RAB38: variants seen among roughly 807,000 people sequenced by gnomAD.
RAB38 encodes the protein ras-related protein Rab-38.
RAB38 carries 15 observed loss-of-function variants against 18.4 expected under a neutral mutation model. That is an observed-to-expected ratio of 0.82 (90% confidence interval 0.55 to 1.26). The LOEUF (loss-of-function observed/expected upper bound fraction) is 1.26. RAB38 is among the 50% of genes most tolerant of loss of function. The pLI is 0.00. For synonymous variants in RAB38, 101 were observed against 104.4 expected, an observed-to-expected ratio of 0.97 and a Z score of 0.20; for missense variants, 294 against 267.4, an observed-to-expected ratio of 1.10 and a Z score of -0.69.
the RAB38 span, among the ~76,000 whole-genome samples, chr11:87,964,111 A>G: frequency 1.3e-5 from 2 of 152,164 alleles, no homozygotes; most frequent in African/African-American, 4.8e-5. Context: ...TCAGTTATCT[A>G]TTGCTGCATA....
At chr11:88,003,711 AT>A in the RAB38 span, among the ~76,000 whole-genome samples, 62 of 4,272 alleles carry the variant, frequency 0.015, 11 homozygotes, top group African/African-American at 0.11. Context: ...TATTGTATAT[AT>A]TATATATAAT....
At chr11:88,079,423 G>A in the RAB38 span, among the ~76,000 whole-genome samples, 1 of 151,642 alleles carries the variant, frequency 6.6e-6, no homozygotes, top group South Asian at 2.1e-4. Flanking sequence ...CCAATTTTAA[G>A]TAAAAATCTA....
the RAB38 span, among the ~76,000 whole-genome samples, chr11:87,864,488 G>A: frequency 6.6e-6 from 1 of 151,436 alleles, no homozygotes; most frequent in African/African-American, 2.4e-5. Context: ...CAACTATCTT[G>A]TCAGAAAGCC....
chr11:88,027,739 C>G, the RAB38 span, among the ~76,000 whole-genome samples: 9 of 152,318 alleles, frequency 5.9e-5, no homozygotes, highest in South Asian at 1.9e-3. Context: ...CTGGGTGGAG[C>G]CCACCACAGC....
chr11:87,932,324 A>G, the RAB38 span, among the ~76,000 whole-genome samples: 1 of 152,064 alleles, frequency 6.6e-6, no homozygotes, highest in Non-Finnish European at 1.5e-5. Context: ...TCAGGCTGAG[A>G]AGCAACAACT....
chr11:87,844,704 C>A, the RAB38 span, among the ~76,000 whole-genome samples: 2,254 of 152,252 alleles, frequency 0.015, 63 homozygotes, highest in African/African-American at 0.051. Context: ...TAATTTATAA[C>A]CAAGTCCGAA....
chr11:87,857,786 G>T, the RAB38 span, among the ~76,000 whole-genome samples: 2 of 151,830 alleles, frequency 1.3e-5, no homozygotes, highest in Non-Finnish European at 2.9e-5. Context: ...TGAGTAGATT[G>T]CAAAAATTTT....
At chr11:87,842,549 A>T in the RAB38 span, among the ~76,000 whole-genome samples, 29 of 152,206 alleles carry the variant, frequency 1.9e-4, no homozygotes, top group Non-Finnish European at 2.9e-5. Flanking sequence ...AATTTGTGCC[A>T]TAAATACTTT....
chr11:88,052,935 T>TATATATATATA, the RAB38 span, among the ~76,000 whole-genome samples: 11 of 85,788 alleles, frequency 1.3e-4, 1 homozygote, highest in African/African-American at 2.6e-4. Context: ...TATATATATA[T>TATATATATATA]ATATATATAA....
At chr11:87,976,979 A>T in the RAB38 span, among the ~76,000 whole-genome samples, 5 of 38,990 alleles carry the variant, frequency 1.3e-4, 2 homozygotes, top group African/African-American at 5.4e-4. Context: ...TATATTATAA[A>T]ATATAATTAC....
chr11:87,836,636 T>C, the RAB38 span, among the ~76,000 whole-genome samples: 1 of 152,240 alleles, frequency 6.6e-6, no homozygotes, highest in South Asian at 2.1e-4. Flanking sequence ...TATGTGCAGG[T>C]TGGTTCTGGA....
the RAB38 span, among the ~76,000 whole-genome samples, chr11:87,942,981 A>G: frequency 1.3e-5 from 2 of 152,184 alleles, no homozygotes; most frequent in African/African-American, 2.4e-5. Context: ...GAACTAGTCC[A>G]ATAGCGGGGC....
the RAB38 span, among the ~76,000 whole-genome samples, chr11:87,826,803 G>A: frequency 1.3e-5 from 2 of 152,306 alleles, no homozygotes; most frequent in Admixed American, 6.5e-5. Flanking sequence ...TGCTGTGGGT[G>A]TTGGTCTAGA....
the RAB38 span, among the ~76,000 whole-genome samples, chr11:87,947,612 G>A: frequency 6.6e-6 from 1 of 152,074 alleles, no homozygotes; most frequent in Admixed American, 6.6e-5. Flanking sequence ...CATATGGCTA[G>A]CCAGTTTTCC....
the RAB38 span, among the ~76,000 whole-genome samples, chr11:87,970,432 T>C: frequency 2.0e-5 from 3 of 152,044 alleles, no homozygotes; most frequent in Non-Finnish European, 4.4e-5. Context: ...TAAAAAATAT[T>C]GCATTAAAAT....
chr11:88,059,252 C>T, the RAB38 span, among the ~76,000 whole-genome samples: 3 of 152,186 alleles, frequency 2.0e-5, no homozygotes, highest in Non-Finnish European at 2.9e-5. Context: ...TATTAACACA[C>T]GTTTTGAATG....
chr11:88,040,243 G>A, the RAB38 span, among the ~76,000 whole-genome samples: 21 of 152,148 alleles, frequency 1.4e-4, no homozygotes, highest in Non-Finnish European at 1.9e-4. Flanking sequence ...AGTATCAACA[G>A]GACTAGTTCA....
chr11:88,127,790 G>A (rs1030296131), intron 2 of RAB38, among the ~76,000 whole-genome samples: 18 of 152,144 alleles, frequency 1.2e-4, no homozygotes, highest in African/African-American at 4.1e-4. Flanking sequence ...CAGCAAGGTA[G>A]GGTTGGCTGC....
chr11:88,128,561 G>C (rs1942732442), intron 2 of RAB38, among the ~76,000 whole-genome samples: 1 of 152,166 alleles, frequency 6.6e-6, no homozygotes, highest in Admixed American at 6.5e-5. Flanking sequence ...AGGAACTTTA[G>C]AAAATAAAAT....
Sources: gnomAD v4.1 joint callset for allele counts (sites outside exome capture counted in the v4.1 genomes callset) on GRCh38, gnomAD v4.1.1 for gene constraint, MANE v1.5 for transcripts, NCBI Gene and HGNC (gene_info 2026-07-23, HGNC 2026-07-21) for gene names.